Variants in PLD5 observed in about 807,000 individuals in gnomAD.
PLD5 encodes phospholipase D family member 5, also known as inactive phospholipase D5.
PLD5 carries 36 observed loss-of-function variants against 61.1 expected under a neutral mutation model. The observed-to-expected ratio is 0.59, with a 90% CI of 0.45 to 0.78. PLD5 has a LOEUF of 0.78. PLD5 is among the 30% of genes least tolerant of loss of function. PLD5 has a pLI of 0.00. For synonymous variants in PLD5, 243 were observed against 242.8 expected (o/e 1.00, Z -0.01); for missense variants, 515 against 644.4 (o/e 0.80, Z 2.17).
chr1:242,411,095 A>C (rs1345001221), intron 1 of PLD5, among the ~76,000 whole-genome samples: 1 of 152,242 alleles, frequency 6.6e-6, no homozygotes, highest in East Asian at 1.9e-4. Flanking sequence ...CACGATTAAC[A>C]GAAAGAATCA....
intron 1 of PLD5, among the ~76,000 whole-genome samples, chr1:242,504,352 A>G (rs1668653954): frequency 6.6e-6 from 1 of 152,206 alleles, no homozygotes; most frequent in Non-Finnish European, 1.5e-5. Context: ...ATAGACTAAT[A>G]TGAGCATCAA....
chr1:242,165,110 A>G (rs1249466538), intron 5 of PLD5, among the ~76,000 whole-genome samples: 1 of 151,886 alleles, frequency 6.6e-6, no homozygotes, highest in Non-Finnish European at 1.5e-5. Context: ...TCCCCTTTTC[A>G]CTTACATTCC....
At chr1:242,222,274 C>T (rs555689375) in intron 4 of PLD5, among the ~76,000 whole-genome samples, 25 of 152,252 alleles carry the variant, frequency 1.6e-4, no homozygotes, top group African/African-American at 6.0e-4. Context: ...GGGATTACAT[C>T]TTCTACATAT....
intron 1 of PLD5, among the ~76,000 whole-genome samples, chr1:242,417,056 C>CG (rs1664870848): frequency 6.6e-6 from 1 of 151,984 alleles, no homozygotes; most frequent in African/African-American, 2.4e-5. Flanking sequence ...AAGTGTAGCC[C>CG]AAAAGAGTTA....
At chr1:242,226,496 T>C (rs1670953617) in intron 4 of PLD5, among the ~76,000 whole-genome samples, 1 of 152,252 alleles carries the variant, frequency 6.6e-6, no homozygotes, top group Non-Finnish European at 1.5e-5. Flanking sequence ...TCCTTTCTAT[T>C]GTTGCTTTAT....
At chr1:242,231,691 C>T (rs1266215826) in intron 4 of PLD5, among the ~76,000 whole-genome samples, 1 of 152,092 alleles carries the variant, frequency 6.6e-6, no homozygotes, top group East Asian at 1.9e-4. Context: ...AAGGATAAGG[C>T]AATGAGCTTA....
chr1:242,476,355 CA>C (rs34255531), intron 1 of PLD5, among the ~76,000 whole-genome samples: 20 of 138,758 alleles, frequency 1.4e-4, no homozygotes, highest in Admixed American at 5.8e-4. Flanking sequence ...AACTCCGTCT[CA>C]AAAAAAAAAG....
At chr1:242,378,606 TG>T (rs1239001379) in intron 1 of PLD5, among the ~76,000 whole-genome samples, 1 of 152,136 alleles carries the variant, frequency 6.6e-6, no homozygotes, top group Admixed American at 6.5e-5. Flanking sequence ...TTTGGTAGGC[TG>T]AGGCAGGTCA....
intron 1 of PLD5, among the ~76,000 whole-genome samples, chr1:242,472,938 A>G (rs1391140461): frequency 6.6e-6 from 1 of 152,162 alleles, no homozygotes; most frequent in South Asian, 2.1e-4. Flanking sequence ...ATTAGGAGTA[A>G]AAAGAGAATA....
At chr1:242,368,138 G>A (rs1197364284) in intron 1 of PLD5, among the ~76,000 whole-genome samples, 2 of 152,154 alleles carry the variant, frequency 1.3e-5, no homozygotes, top group Non-Finnish European at 2.9e-5. Flanking sequence ...TATTCAGTCA[G>A]AAATGGCCAA....
intron 1 of PLD5, among the ~76,000 whole-genome samples, chr1:242,499,206 C>G (rs1027697): frequency 0.44 from 66,182 of 152,036 alleles, 14,864 homozygotes; most frequent in East Asian, 0.65. Flanking sequence ...TTCACATTTT[C>G]ATTGCTCATT....
intron 7 of PLD5, among the ~76,000 whole-genome samples, chr1:242,108,251 T>C (rs1285466182): frequency 6.7e-6 from 1 of 150,248 alleles, no homozygotes; most frequent in Non-Finnish European, 1.5e-5. Context: ...TCTTTGGTGA[T>C]TGTCCCCGAA....
intron 7 of PLD5, among the ~76,000 whole-genome samples, chr1:242,110,634 AC>A (rs1287057329): frequency 6.6e-6 from 1 of 151,994 alleles, no homozygotes; most frequent in Non-Finnish European, 1.5e-5. Context: ...ACATGGTGAA[AC>A]CCCATCTCTA....
intron 4 of PLD5, among the ~76,000 whole-genome samples, chr1:242,241,289 T>G (rs1671985950): frequency 6.6e-6 from 1 of 152,174 alleles, no homozygotes; most frequent in African/African-American, 2.4e-5. Flanking sequence ...TGAGGTTACA[T>G]GAGTTTTTAT....
At chr1:242,312,842 T>C (rs942813799) in intron 2 of PLD5, among the ~76,000 whole-genome samples, 1 of 152,214 alleles carries the variant, frequency 6.6e-6, no homozygotes, top group African/African-American at 2.4e-5. Flanking sequence ...CCATGTTTAA[T>C]GTGGATTTTT....
At chr1:242,399,395 T>C (rs766536700) in intron 1 of PLD5, among the ~76,000 whole-genome samples, 2 of 152,236 alleles carry the variant, frequency 1.3e-5, no homozygotes, top group Non-Finnish European at 2.9e-5. Flanking sequence ...CACTTTTCTA[T>C]GTCTTGGGAA....
chr1:242,241,932 G>A (rs1420760002), intron 4 of PLD5, among the ~76,000 whole-genome samples: 10 of 79,504 alleles, frequency 1.3e-4, no homozygotes, highest in East Asian at 3.6e-4. Context: ...ATATATATAC[G>A]CTTATATATA....
At position 242,366,740 on chromosome 1, in the gene PLD5, T is replaced by C. The variant is rs116348902; in HGVS notation, c.190-18498A>G. ...TCTCCCTTTAGTCTCTTTCACTAAA[T>C]TGAGCTCCTTGAGTTCTAGGATCTT... On this transcript the variant is annotated intron_variant, in intron 1 of 9. Coordinates refer to ENST00000536534, the MANE Select transcript of PLD5 (RefSeq NM_001372062.1). Among the ~76,000 whole-genome samples the C allele has an allele frequency of 4.3e-3, 657 of 152,310 alleles. 2 individuals carry two copies. The highest frequency in any genetic ancestry group is 0.01 in the Middle Eastern group (3 of 294).
At chr1:242,243,056 A>C (rs1672157069) in intron 4 of PLD5, among the ~76,000 whole-genome samples, 1 of 152,332 alleles carries the variant, frequency 6.6e-6, no homozygotes, top group East Asian at 1.9e-4. Flanking sequence ...TCATCTGAGG[A>C]ACTAAACAGA....
Sources: gnomAD v4.1 joint callset for allele counts (sites outside exome capture counted in the v4.1 genomes callset) on GRCh38, gnomAD v4.1.1 for gene constraint, MANE v1.5 for transcripts, NCBI Gene and HGNC (gene_info 2026-07-23, HGNC 2026-07-21) for gene names.